The following SUGCT variants were observed in gnomAD, a reference collection of about 807,000 sequenced individuals.
The protein encoded by SUGCT is succinyl-CoA:glutarate CoA-transferase.
Under a neutral mutation model 55.0 loss-of-function variants are expected in SUGCT, and 41 were observed. The ratio of observed to expected loss-of-function variants is 0.74; its 90% CI spans 0.58 to 0.97. The LOEUF (loss-of-function observed/expected upper bound fraction) is 0.97. Among genes scored for constraint, SUGCT ranks in the 50% least tolerant of loss-of-function variants. The probability of loss-of-function intolerance (pLI) is 0.00; values close to 1 mark genes in which losing one functional copy is unlikely to be tolerated. For missense variants in SUGCT, 568 were observed against 547.8 expected (o/e 1.04, Z -0.37); for synonymous variants, 187 against 200.4 (o/e 0.93, Z 0.56).
At chr7:40,240,559 C>T (rs1044221094) in intron 7 of SUGCT, among the ~76,000 whole-genome samples, 2 of 152,086 alleles carry the variant, frequency 1.3e-5, no homozygotes, top group East Asian at 3.8e-4. Flanking sequence ...TTTCCCTTAT[C>T]TTATCAGCAA....
At chr7:40,898,419 GAACTGTAAC>G in the SUGCT span, among the ~76,000 whole-genome samples, 2,363 of 141,310 alleles carry the variant, frequency 0.017, 46 homozygotes, top group African/African-American at 0.045. Context: ...TCATCTTTAA[GAACTGTAAC>G]ACTCGGCAGG....
At chr7:40,890,389 T>C in the SUGCT span, among the ~76,000 whole-genome samples, 1 of 150,426 alleles carries the variant, frequency 6.6e-6, no homozygotes, top group Non-Finnish European at 1.5e-5. Flanking sequence ...ATTTGGGCTT[T>C]CACCCTTGTG....
chr7:40,272,141 C>CATATATAT (rs58480323), intron 7 of SUGCT, among the ~76,000 whole-genome samples: 6 of 46,744 alleles, frequency 1.3e-4, no homozygotes, highest in Admixed American at 3.3e-4. Flanking sequence ...TGCAATGTGA[C>CATATATAT]ATATATATAT....
the SUGCT span, among the ~76,000 whole-genome samples, chr7:40,911,672 C>T: frequency 1.3e-5 from 2 of 151,966 alleles, no homozygotes; most frequent in South Asian, 4.1e-4. Context: ...GGCAGCATTA[C>T]TGGCCTATAT....
At chr7:40,156,240 G>T (rs1276496585) in intron 1 of SUGCT, among the ~76,000 whole-genome samples, 1 of 152,108 alleles carries the variant, frequency 6.6e-6, no homozygotes. Context: ...AAGGTAGGCG[G>T]ATCACGAGGT....
At chr7:40,626,311 C>A (rs147383424) in intron 12 of SUGCT, among the ~76,000 whole-genome samples, 1 of 151,516 alleles carries the variant, frequency 6.6e-6, no homozygotes, top group East Asian at 1.9e-4. Context: ...GGCTGGAGTG[C>A]GGTGGTGTGA....
At chr7:40,825,484 T>C (rs1792266523) in intron 13 of SUGCT, among the ~76,000 whole-genome samples, 1 of 152,214 alleles carries the variant, frequency 6.6e-6, no homozygotes, top group Non-Finnish European at 1.5e-5. Flanking sequence ...GGAAGCTTCA[T>C]TTGAAGTACA....
chr7:40,887,989 A>C, the SUGCT span, among the ~76,000 whole-genome samples: 2 of 96,782 alleles, frequency 2.1e-5, no homozygotes, highest in Non-Finnish European at 4.4e-5. Flanking sequence ...AGCATTCTAC[A>C]TGCAGCATCT....
In SUGCT at chr7:40,266,374, C is replaced by G. The variant is rs1210141320; in HGVS notation, c.577-8139C>G. 2.0e-5 allele frequency among the ~76,000 whole-genome samples: 3 copies of G among 151,648 alleles called. No homozygotes were observed. In the South Asian group the frequency reaches 6.2e-4, roughly 32 times the overall value. On this transcript the variant is annotated intron_variant, in intron 7 of 13. Transcript: ENST00000335693. ...ATGTTGGTCAGGCTGGTCTCAAACT[C>G]CTGACCTCGGGTGATCTGCCCGCCT...
intron 12 of SUGCT, among the ~76,000 whole-genome samples, chr7:40,652,909 T>C (rs1002729829): frequency 1.3e-5 from 2 of 152,194 alleles, no homozygotes; most frequent in Non-Finnish European, 2.9e-5. Context: ...TCATGTCTGT[T>C]TTATTCTGGA....
intron 9 of SUGCT, among the ~76,000 whole-genome samples, chr7:40,371,795 C>T (rs564019709): frequency 6.6e-6 from 1 of 152,114 alleles, no homozygotes; most frequent in Non-Finnish European, 1.5e-5. Context: ...TACAGAAAAA[C>T]TTTCACTTCA....
chr7:40,513,644 C>T (rs897114140), intron 12 of SUGCT, among the ~76,000 whole-genome samples: 3 of 152,162 alleles, frequency 2.0e-5, no homozygotes, highest in Non-Finnish European at 4.4e-5. Flanking sequence ...TCCTCTTACA[C>T]AGGCACTCAA....
chr7:40,811,888 G>A (rs1359513023), intron 13 of SUGCT, among the ~76,000 whole-genome samples: 1 of 152,092 alleles, frequency 6.6e-6, no homozygotes, highest in East Asian at 1.9e-4. Context: ...TCAGTATGAG[G>A]TTGGCTGTAG....
Position 40,377,174 on chromosome 7 carries a change from C to CTT in SUGCT, c.816+60321_816+60322dup, listed in dbSNP as rs1368180124. 1.3e-4 allele frequency among the ~76,000 whole-genome samples: 2 copies of CTT among 15,482 alleles called. 1 individual carries two copies. Among genetic ancestry groups the CTT allele is most frequent in the Non-Finnish European group, 6.1e-4 (2 of 3,274 alleles). 10.2% of individuals were successfully genotyped at this position (15,482 alleles called of 152,430 possible). ...TCTTTCTTTCTTTCTTTCTTTCTTTCTTTCTTTCTTTCTTTCTTTCTTTCT... is the reference window on the plus strand; with the variant it reads ...TCTTTCTTTCTTTCTTTCTTTCTTTCTTTTTCTTTCTTTCTTTCTTTCTTTCT... On this transcript the variant is annotated intron_variant, in intron 9 of 13. Transcript: ENST00000335693.
chr7:40,167,127 A>G (rs1454495317), intron 1 of SUGCT, among the ~76,000 whole-genome samples: 1 of 152,160 alleles, frequency 6.6e-6, no homozygotes, highest in Non-Finnish European at 1.5e-5. Flanking sequence ...TAGCCTAAAA[A>G]CCAATTCAGT....
intron 12 of SUGCT, among the ~76,000 whole-genome samples, chr7:40,734,065 G>A (rs981585186): frequency 2.6e-5 from 4 of 152,194 alleles, no homozygotes; most frequent in Admixed American, 6.5e-5. Flanking sequence ...GTTGCAATTC[G>A]ATCCCAAAGG....
At chr7:40,760,453 C>G (rs1203736) in intron 13 of SUGCT, among the ~76,000 whole-genome samples, 83,505 of 151,698 alleles carry the variant, frequency 0.55, 24,616 homozygotes, top group Admixed American at 0.71. Flanking sequence ...GGGGTATGGC[C>G]AGTTAGTGTT....
intron 12 of SUGCT, among the ~76,000 whole-genome samples, chr7:40,719,249 C>T (rs1786189363): frequency 2.0e-5 from 3 of 152,208 alleles, no homozygotes; most frequent in Non-Finnish European, 4.4e-5. Context: ...CCATTCTTTT[C>T]CTTTCCCTGT....
chr7:41,014,941 G>A, the SUGCT span, among the ~76,000 whole-genome samples: 1 of 152,162 alleles, frequency 6.6e-6, no homozygotes, highest in African/African-American at 2.4e-5. Flanking sequence ...ATGACACATG[G>A]CTGGCATACC....
Sources: allele counts gnomAD v4.1 joint callset (sites outside exome capture counted in the v4.1 genomes callset), GRCh38; gene constraint gnomAD v4.1.1; transcripts MANE v1.5; gene names NCBI Gene and HGNC (gene_info 2026-07-23, HGNC 2026-07-21).